Variants in WNT7A observed in about 807,000 individuals in gnomAD.
The protein encoded by WNT7A is Wnt family member 7A.
WNT7A carries 16 observed loss-of-function variants against 28.2 expected under a neutral mutation model. The observed-to-expected ratio is 0.57, with a 90% CI of 0.38 to 0.86. The LOEUF is 0.86. WNT7A is among the 40% of genes least tolerant of loss of function. The pLI, the probability that WNT7A is intolerant of heterozygous loss-of-function variation, is 0.00. For missense variants in WNT7A, 411 were observed against 489.7 expected (o/e 0.84, Z 1.52); for synonymous variants, 190 against 195.9 (o/e 0.97, Z 0.25).
chr3:13,829,972 C>T (rs757352290), intron 3 of WNT7A, among the ~76,000 whole-genome samples: 4 of 152,160 alleles, frequency 2.6e-5, no homozygotes, highest in Admixed American at 6.5e-5. Context: ...ACCCTCCCAG[C>T]GCTGGAGGCA....
chr3:13,846,493 T>G (rs547081879), intron 3 of WNT7A, among the ~76,000 whole-genome samples: 25 of 152,330 alleles, frequency 1.6e-4, no homozygotes, highest in African/African-American at 4.8e-4. Context: ...TTTTCTTATT[T>G]GTAAAACGGA....
intron 3 of WNT7A, among the ~76,000 whole-genome samples, chr3:13,840,015 C>G (rs1442438058): frequency 6.6e-6 from 1 of 152,192 alleles, no homozygotes; most frequent in Non-Finnish European, 1.5e-5. Flanking sequence ...ACAAACCCTT[C>G]TCTCACAGGG....
At chr3:13,856,974 GAA>G (rs1694754623) in intron 2 of WNT7A, among the ~76,000 whole-genome samples, 1 of 100,344 alleles carries the variant, frequency 1.0e-5, no homozygotes, top group South Asian at 3.3e-4. Flanking sequence ...AGAAGGAGAA[GAA>G]GAAGAAGAAG....
chr3:13,841,075 A>G (rs1234211122), intron 3 of WNT7A, among the ~76,000 whole-genome samples: 1 of 152,254 alleles, frequency 6.6e-6, no homozygotes, highest in Admixed American at 6.5e-5. Flanking sequence ...GAGCTGGCAT[A>G]TAGGGATTCG....
Position 13,818,351 on chromosome 3 carries a change from C to CAAAGAAAAAAAAAAAAAAAAAAAAAAAAA in WNT7A, c.*592_*593insTTTTTTTTTTTTTTTTTTTTTTTTTCTTT, listed in dbSNP as rs1694047137. 1.3e-5 allele frequency: 1 copy of CAAAGAAAAAAAAAAAAAAAAAAAAAAAAA among 79,952 alleles called. No individual in the cohort carries two copies. The highest frequency in any genetic ancestry group is 2.5e-5 in the Non-Finnish European group (1 of 40,528). The allele number at this position is 79,952 out of a possible 1,614,324, so 5.0% of individuals were successfully genotyped here. ...TTTCTGGATAAGTAGCAGCAAACAG[C>CAAAGAAAAAAAAAAAAAAAAAAAAAAAAA]AAAAAAAAAAAAAAAAATGTGTGTG... is the stretch of plus-strand genomic sequence containing the variant. On this transcript the variant is annotated 3_prime_UTR_variant, in exon 4 of 4. Coordinates refer to ENST00000285018, the MANE Select transcript of WNT7A (RefSeq NM_004625.4).
At chr3:13,829,233 G>A (rs1204136494) in intron 3 of WNT7A, among the ~76,000 whole-genome samples, 1 of 152,164 alleles carries the variant, frequency 6.6e-6, no homozygotes, top group Non-Finnish European at 1.5e-5. Flanking sequence ...AGACTGTTGA[G>A]CTTCTGAAAG....
At chr3:13,863,515 G>A (rs935195648) in intron 2 of WNT7A, among the ~76,000 whole-genome samples, 11 of 152,000 alleles carry the variant, frequency 7.2e-5, no homozygotes, top group Non-Finnish European at 7.4e-5. Context: ...TGAAAGCTGG[G>A]AAGAGAACAT....
At chr3:13,846,488 T>C (rs112740680) in intron 3 of WNT7A, among the ~76,000 whole-genome samples, 3,845 of 152,278 alleles carry the variant, frequency 0.025, 176 homozygotes, top group African/African-American at 0.088. Context: ...TTCCGTTTTC[T>C]TATTTGTAAA....
chr3:13,821,445 C>T (rs1200184498), intron 3 of WNT7A, among the ~76,000 whole-genome samples: 1 of 152,222 alleles, frequency 6.6e-6, no homozygotes, highest in Non-Finnish European at 1.5e-5. Context: ...GAGAATCACA[C>T]TGTGTGTGCA....
intron 3 of WNT7A, 113 bp from the exon 4 acceptor site, chr3:13,819,536 T>C: frequency 7.2e-7 from 1 of 1,392,950 alleles, no homozygotes; most frequent in Non-Finnish European, 9.4e-7. Context: ...GGGTCTGGCT[T>C]TAGTTTTTTC....
At chr3:13,841,423 ATCCT>A (rs1694454917) in intron 3 of WNT7A, among the ~76,000 whole-genome samples, 2 of 152,236 alleles carry the variant, frequency 1.3e-5, no homozygotes, top group African/African-American at 4.8e-5. Context: ...CTGAGTTCAT[ATCCT>A]GGCTCTTTGC....
At chr3:13,854,905 C>T in intron 2 of WNT7A, 102 bp from the exon 3 acceptor site, 1 of 1,487,742 alleles carries the variant, frequency 6.7e-7, no homozygotes, top group Non-Finnish European at 9.2e-7. Flanking sequence ...AATGCAATGG[C>T]TCTCCAAAGC....
At chr3:13,869,142 A>C (rs1694986972) in intron 2 of WNT7A, among the ~76,000 whole-genome samples, 1 of 139,872 alleles carries the variant, frequency 7.1e-6, no homozygotes, top group Non-Finnish European at 1.6e-5. Flanking sequence ...AGAAAGAAGG[A>C]AGGAAGGAAA....
intron 3 of WNT7A, among the ~76,000 whole-genome samples, chr3:13,823,849 C>T (rs1329183585): frequency 6.6e-6 from 1 of 152,116 alleles, no homozygotes; most frequent in Non-Finnish European, 1.5e-5. Flanking sequence ...GGAGTTATTC[C>T]CCCTGGTTGC....
At chr3:13,821,487 A>G (rs983158220) in intron 3 of WNT7A, among the ~76,000 whole-genome samples, 1 of 152,258 alleles carries the variant, frequency 6.6e-6, no homozygotes, top group Admixed American at 6.5e-5. Context: ...TCCACACAGC[A>G]ATGTTCATAA....
chr3:13,869,948 C>A (rs995660512), intron 2 of WNT7A, among the ~76,000 whole-genome samples: 6 of 152,168 alleles, frequency 3.9e-5, no homozygotes, highest in South Asian at 2.1e-4. Context: ...CACCATAGCT[C>A]TCACATGACC....
chr3:13,862,059 C>T (rs1192832139), intron 2 of WNT7A, among the ~76,000 whole-genome samples: 1 of 152,218 alleles, frequency 6.6e-6, no homozygotes, highest in East Asian at 1.9e-4. Flanking sequence ...ACTGGGGGAG[C>T]CCCAAGCAAG....
chr3:13,879,745 C>A lies in WNT7A; in HGVS notation c.71+1G>T. The A allele has an allele frequency of 6.2e-7, 1 of 1,612,246 alleles. No homozygotes were observed. Among genetic ancestry groups the A allele is most frequent in the Non-Finnish European group, 8.5e-7 (1 of 1,178,966 alleles). On this transcript the variant is annotated splice_donor_variant, in intron 1 of 3. Transcript: ENST00000285018. LOFTEE classifies it high-confidence loss of function. Reference sequence around the variant, plus strand: ...GCGGAAAGGGCGCAGGCAGCCCTTACCCGATCCGGAGGTAGACCATGCCCA... The same window carrying A: ...GCGGAAAGGGCGCAGGCAGCCCTTAACCGATCCGGAGGTAGACCATGCCCA...
intron 3 of WNT7A, among the ~76,000 whole-genome samples, chr3:13,853,635 T>G (rs2124857721): frequency 6.6e-6 from 1 of 152,330 alleles, no homozygotes; most frequent in South Asian, 2.1e-4. Flanking sequence ...CAGTTCCCAG[T>G]GTCTGTGTTG....
Sources: gnomAD v4.1 joint callset for allele counts (sites outside exome capture counted in the v4.1 genomes callset) on GRCh38, gnomAD v4.1.1 for gene constraint, MANE v1.5 for transcripts, NCBI Gene and HGNC (gene_info 2026-07-23, HGNC 2026-07-21) for gene names.